Variants in XKR4 observed in about 807,000 individuals in gnomAD.
XKR4 encodes XK-related protein 4.
Under a neutral mutation model 53.9 loss-of-function variants are expected in XKR4, and 12 were observed. The ratio of observed to expected loss-of-function variants is 0.22; its 90% CI spans 0.14 to 0.36. The LOEUF is 0.36. Among genes scored for constraint, XKR4 ranks in the 10% least tolerant of loss-of-function variants. The probability of loss-of-function intolerance (pLI) is 1.00; values close to 1 mark genes in which losing one functional copy is unlikely to be tolerated. For missense variants in XKR4, 799 were observed against 859.5 expected (o/e 0.93, Z 0.88); for synonymous variants, 354 against 362.4 (o/e 0.98, Z 0.26).
chr8:55,125,344 C>G (rs1406255603), intron 1 of XKR4, among the ~76,000 whole-genome samples: 2 of 152,152 alleles, frequency 1.3e-5, no homozygotes, highest in Non-Finnish European at 2.9e-5. Context: ...GATTGATTCT[C>G]CTGCCTCGGC....
intron 1 of XKR4, among the ~76,000 whole-genome samples, chr8:55,311,069 G>A (rs906920922): frequency 5.9e-5 from 9 of 152,228 alleles, no homozygotes; most frequent in Non-Finnish European, 1.0e-4. Context: ...AGCCAGCTGA[G>A]CAAATTCCAG....
At chr8:55,477,578 G>A (rs1478028055) in intron 2 of XKR4, among the ~76,000 whole-genome samples, 1 of 152,180 alleles carries the variant, frequency 6.6e-6, no homozygotes, top group Non-Finnish European at 1.5e-5. Context: ...CAAGATGAGA[G>A]AAGAAGGCTT....
chr8:55,417,366 A>T (rs1804866213), intron 2 of XKR4, among the ~76,000 whole-genome samples: 1 of 152,210 alleles, frequency 6.6e-6, no homozygotes, highest in African/African-American at 2.4e-5. Flanking sequence ...TAAATTGGTT[A>T]ATTCGGTTCA....
At chr8:55,212,666 T>C (rs559039657) in intron 1 of XKR4, among the ~76,000 whole-genome samples, 27 of 152,308 alleles carry the variant, frequency 1.8e-4, no homozygotes, top group African/African-American at 6.5e-4. Flanking sequence ...TTATTTTTGG[T>C]TTACACCTTT....
intron 2 of XKR4, among the ~76,000 whole-genome samples, chr8:55,406,048 G>A (rs1274378884): frequency 6.6e-6 from 1 of 152,214 alleles, no homozygotes; most frequent in Non-Finnish European, 1.5e-5. Flanking sequence ...AGTTGACCCT[G>A]ATCAATGATG....
At chr8:55,326,204 CA>C (rs1563324861) in intron 1 of XKR4, among the ~76,000 whole-genome samples, 1 of 151,906 alleles carries the variant, frequency 6.6e-6, no homozygotes, top group African/African-American at 2.4e-5. Context: ...ATTGTTCAGG[CA>C]AAAAAATCAT....
chr8:55,327,925 T>C (rs773535701), intron 1 of XKR4, among the ~76,000 whole-genome samples: 1 of 152,202 alleles, frequency 6.6e-6, no homozygotes, highest in Non-Finnish European at 1.5e-5. Context: ...AGCTTTGTGA[T>C]AAAAATGCTA....
intron 1 of XKR4, among the ~76,000 whole-genome samples, chr8:55,119,752 G>A (rs1003145125): frequency 2.6e-5 from 4 of 152,176 alleles, no homozygotes; most frequent in Admixed American, 1.3e-4. Flanking sequence ...GTGAGTGAGG[G>A]GTGGACTTGA....
chr8:55,253,731 CTTTT>C (rs67608017), intron 1 of XKR4, among the ~76,000 whole-genome samples: 4 of 113,704 alleles, frequency 3.5e-5, no homozygotes, highest in Non-Finnish European at 3.7e-5. Flanking sequence ...ATTTTCTTTT[CTTTT>C]TTTTTTTTTT....
chr8:55,176,463 G>A (rs1817236356), intron 1 of XKR4, among the ~76,000 whole-genome samples: 1 of 151,896 alleles, frequency 6.6e-6, no homozygotes. Flanking sequence ...GTGTGTGCGT[G>A]TGTGTGTGTG....
chr8:55,330,768 A>G (rs1803372049), intron 1 of XKR4, among the ~76,000 whole-genome samples: 2 of 152,114 alleles, frequency 1.3e-5, no homozygotes, highest in Admixed American at 6.6e-5. Flanking sequence ...GTGAGTGTTC[A>G]TGGCATGAAG....
intron 2 of XKR4, among the ~76,000 whole-genome samples, chr8:55,442,300 G>A (rs763290630): frequency 2.8e-4 from 43 of 152,146 alleles, no homozygotes; most frequent in Non-Finnish European, 5.7e-4. Context: ...ATACTCAGTA[G>A]GATGGCTAAG....
intron 1 of XKR4, among the ~76,000 whole-genome samples, chr8:55,239,207 C>T (rs1002114913): frequency 6.6e-6 from 1 of 152,182 alleles, no homozygotes; most frequent in Admixed American, 6.5e-5. Context: ...CTGGAAAACA[C>T]TATTAGCTTC....
At chr8:55,212,702 G>A (rs1028546085) in intron 1 of XKR4, among the ~76,000 whole-genome samples, 5 of 152,106 alleles carry the variant, frequency 3.3e-5, no homozygotes, top group African/African-American at 1.2e-4. Context: ...AAATTCAGAG[G>A]CTACTACTAT....
rs1585624379 is a variant in XKR4 at position 55,538,475 on chromosome 8, A to T, written c.*14248A>T. ...GAGAATACAATGGTTCTTCATCACT[A>T]TATAAAACTAACACTTTTCCTTCAA... On this transcript the variant is annotated 3_prime_UTR_variant, in exon 3 of 3. Coordinates refer to ENST00000327381, the MANE Select transcript of XKR4 (RefSeq NM_052898.2). The T allele has an allele frequency of 2.6e-5, 4 of 152,236 alleles. No homozygotes were observed. Among genetic ancestry groups the T allele is most frequent in the Admixed American group, 2.6e-4 (4 of 15,284 alleles). The allele number at this position is 152,236 out of a possible 1,614,324, so 9.4% of individuals were successfully genotyped here. A position where few individuals can be genotyped will look rare whatever the true frequency, so the allele number is the denominator to read the frequency against.
At chr8:55,199,454 C>A (rs747474681) in intron 1 of XKR4, among the ~76,000 whole-genome samples, 2 of 152,138 alleles carry the variant, frequency 1.3e-5, no homozygotes, top group Admixed American at 6.5e-5. Flanking sequence ...AGGTACTGTG[C>A]GCTTTCTAAA....
intron 2 of XKR4, among the ~76,000 whole-genome samples, chr8:55,381,547 G>C: frequency 6.6e-6 from 1 of 152,148 alleles, no homozygotes. Flanking sequence ...GATGTCCGAG[G>C]GGAGGAGAAG....
At chr8:55,338,605 A>G (rs1215491816) in intron 1 of XKR4, among the ~76,000 whole-genome samples, 1 of 152,200 alleles carries the variant, frequency 6.6e-6, no homozygotes, top group Admixed American at 6.5e-5. Context: ...AAAAAGTGGG[A>G]GCAAACACTG....
intron 2 of XKR4, among the ~76,000 whole-genome samples, chr8:55,514,275 G>A: frequency 1.5e-5 from 2 of 136,668 alleles, no homozygotes; most frequent in African/African-American, 5.6e-5. Flanking sequence ...TTTTTGAGAA[G>A]GAGTCTCACT....
Sources: allele counts gnomAD v4.1 joint callset (sites outside exome capture counted in the v4.1 genomes callset), GRCh38; gene constraint gnomAD v4.1.1; transcripts MANE v1.5; gene names NCBI Gene and HGNC (gene_info 2026-07-23, HGNC 2026-07-21).